SNAP91: variants seen among roughly 807,000 people sequenced by gnomAD.
SNAP91 encodes the protein clathrin coat assembly protein AP180.
SNAP91 carries 27 observed loss-of-function variants against 100.3 expected under a neutral mutation model. That is an observed-to-expected ratio of 0.27 (90% CI 0.20 to 0.37). The LOEUF is 0.37. Ranked by LOEUF, SNAP91 falls within the 10% of genes least tolerant of loss-of-function variation. SNAP91 has a pLI of 1.00. For missense variants in SNAP91, 986 were observed against 1,123.7 expected, an observed-to-expected ratio of 0.88 and a Z score of 1.75; for synonymous variants, 404 against 398.6, an observed-to-expected ratio of 1.01 and a Z score of -0.16.
intron 26 of SNAP91, among the ~76,000 whole-genome samples, chr6:83,571,044 A>G (rs1806596146): frequency 1.3e-5 from 2 of 152,062 alleles, no homozygotes; most frequent in Non-Finnish European, 2.9e-5. Flanking sequence ...GAAAGCACCC[A>G]GGAGGAGGGC....
intron 8 of SNAP91, among the ~76,000 whole-genome samples, chr6:83,634,615 C>G (rs963970643): frequency 6.6e-6 from 1 of 152,066 alleles, no homozygotes; most frequent in Non-Finnish European, 1.5e-5. Flanking sequence ...CCAGTCACCA[C>G]GATCCCCACT....
rs74669040 is a variant in SNAP91, at chr6:83,616,499, A to G, written c.878+470T>C. ...AAGGATCTATGAATAAAATGTCAGT[A>G]GTATGCCATGCCTAATAGTTCAAGT... is the stretch of plus-strand genomic sequence containing the variant. On this transcript the variant is annotated intron_variant, in intron 10 of 29. Transcript: ENST00000369694. 8.0e-3 allele frequency among the ~76,000 whole-genome samples: 1,223 copies of G among 152,306 alleles called. 15 individuals carry two copies. The highest frequency in any genetic ancestry group is 0.027 in the African/African-American group (1,134 of 41,562).
chr6:83,556,248 A>G lies in SNAP91; in HGVS notation c.2632-3T>C, dbSNP rs763722583. The G allele has an allele frequency of 6.7e-7, 1 of 1,492,770 alleles. No homozygotes were observed. Among genetic ancestry groups the G allele is most frequent in the Non-Finnish European group, 9.0e-7 (1 of 1,109,868 alleles). 92.5% of individuals were successfully genotyped at this position (1,492,770 alleles called of 1,614,324 possible). On this transcript the variant is annotated splice_region_variant and splice_polypyrimidine_tract_variant and intron_variant, in intron 28 of 29. Transcript: ENST00000369694. ...GCAGGTGTAGGGCTTGGAGAAAGCTAATGGGAAAAAGCCAGCCCCAAAGAG... is the reference window on the plus strand; with the variant it reads ...GCAGGTGTAGGGCTTGGAGAAAGCTGATGGGAAAAAGCCAGCCCCAAAGAG...
At chr6:83,667,314 G>A (rs1435781288) in intron 2 of SNAP91, among the ~76,000 whole-genome samples, 2 of 151,938 alleles carry the variant, frequency 1.3e-5, no homozygotes, top group Non-Finnish European at 2.9e-5. Context: ...TTCTGAAAAG[G>A]TTATTAAAAC....
At position 83,591,123 on chromosome 6, in the gene SNAP91, C is replaced by T. The variant is rs2093687371; in HGVS notation, c.2014+88G>A. On this transcript the variant is annotated intron_variant, in intron 22 of 29. Coordinates refer to ENST00000369694, the MANE Select transcript of SNAP91 (RefSeq NM_001242792.2). ...TCTTGAAAGAAAAAGAAAACATGCACCCTGCAATTTATGTAATTTTTATAA... is the reference window on the plus strand; with the variant it reads ...TCTTGAAAGAAAAAGAAAACATGCATCCTGCAATTTATGTAATTTTTATAA... 12 of 862,614 alleles carry T rather than the reference C, an allele frequency of 1.4e-5. No homozygotes were observed. In the East Asian group the frequency reaches 2.7e-4, roughly 19 times the overall value. 53.4% of individuals were successfully genotyped at this position (862,614 alleles called of 1,614,324 possible).
intron 2 of SNAP91, among the ~76,000 whole-genome samples, chr6:83,699,951 T>C (rs1012946171): frequency 6.6e-6 from 1 of 152,190 alleles, no homozygotes; most frequent in African/African-American, 2.4e-5. Flanking sequence ...AAGGATATAG[T>C]TCAAGAAAAT....
chr6:83,564,602 T>G (rs1057510912), intron 26 of SNAP91, among the ~76,000 whole-genome samples: 1 of 152,116 alleles, frequency 6.6e-6, no homozygotes, highest in Non-Finnish European at 1.5e-5. Context: ...TGAGCTCAAG[T>G]AATCCATACA....
chr6:83,692,590 G>T (rs1356558592), intron 2 of SNAP91, among the ~76,000 whole-genome samples: 1 of 152,022 alleles, frequency 6.6e-6, no homozygotes, highest in African/African-American at 2.4e-5. Context: ...GAGGTCTAAA[G>T]AAATTAAATT....
At chr6:83,560,073 T>G in intron 28 of SNAP91, 31 bp downstream of exon 28, 1 of 1,548,682 alleles carries the variant, frequency 6.5e-7, no homozygotes, top group Non-Finnish European at 8.9e-7. Context: ...TTAGTTAATG[T>G]CACTGATTTG....
intron 2 of SNAP91, among the ~76,000 whole-genome samples, chr6:83,674,398 C>T (rs759738970): frequency 8.6e-5 from 13 of 151,994 alleles, no homozygotes; most frequent in Non-Finnish European, 1.2e-4. Context: ...AGTGCCACTG[C>T]ACTCCAGCCC....
intron 12 of SNAP91, among the ~76,000 whole-genome samples, chr6:83,609,572 A>T (rs1228859601): frequency 6.6e-6 from 1 of 152,186 alleles, no homozygotes; most frequent in African/African-American, 2.4e-5. Flanking sequence ...TATATAATGG[A>T]AATTTGTCAA....
At position 83,560,936 on chromosome 6, in the gene SNAP91, T is replaced by C. The variant is rs1339143880; in HGVS notation, c.2454A>G (p.Val818=). 6.2e-7 allele frequency: 1 copy of C among 1,607,846 alleles called. No individual in the cohort carries two copies. The part of the protein sequence containing the change: ...VPPSAPLQGA[V]PPTSSVPPVA... ...CAGGAGGAACTGAACTGGTTGGAGG[T>C]ACAGCTCCTTGCTACACAGATAGAC... Residue 818 remains valine (V), a synonymous_variant, in exon 27 of 30, where the codon GTA becomes GTG. Transcript: ENST00000369694.
intron 8 of SNAP91, among the ~76,000 whole-genome samples, chr6:83,636,804 T>C (rs1330990621): frequency 1.3e-5 from 2 of 152,228 alleles, no homozygotes; most frequent in Non-Finnish European, 2.9e-5. Flanking sequence ...TTCTTTTTCT[T>C]TGTCAATTTG....
At chr6:83,558,908 C>G (rs1252802328) in intron 28 of SNAP91, among the ~76,000 whole-genome samples, 1 of 152,142 alleles carries the variant, frequency 6.6e-6, no homozygotes, top group Non-Finnish European at 1.5e-5. Flanking sequence ...ATCAGGAAAG[C>G]ATGATTCATC....
intron 2 of SNAP91, among the ~76,000 whole-genome samples, chr6:83,673,573 ACAAT>A (rs1477459802): frequency 1.3e-5 from 2 of 152,196 alleles, no homozygotes; most frequent in Admixed American, 6.5e-5. Flanking sequence ...CTAGTTAACA[ACAAT>A]CAAAGAGTTC....
chr6:83,628,424 G>A (rs1227515494), intron 8 of SNAP91, among the ~76,000 whole-genome samples: 4 of 151,598 alleles, frequency 2.6e-5, no homozygotes, highest in Admixed American at 2.0e-4. Context: ...GTTCTTTAAG[G>A]AATCTCCACA....
intron 27 of SNAP91, 87 bp from the exon 28 acceptor site, chr6:83,560,295 T>C (rs1785079537): frequency 1.1e-6 from 1 of 891,806 alleles, no homozygotes; most frequent in African/African-American, 1.7e-5. Context: ...TATGTACTTC[T>C]GACAATATTT....
chr6:83,592,742 T>A lies in SNAP91; in HGVS notation c.1846+204A>T, dbSNP rs183784387. On this transcript the variant is annotated intron_variant, in intron 20 of 29. Coordinates refer to ENST00000369694, the MANE Select transcript of SNAP91 (RefSeq NM_001242792.2). The stretch of plus-strand genomic sequence containing the variant: ...AAAATTGACTCCTTGAGGTCAGAGG[T>A]TTCAGTGTGAAAAAAATTTTCACTA... 4.9e-3 allele frequency among the ~76,000 whole-genome samples: 739 copies of A among 152,192 alleles called. 4 individuals are homozygous for A. The highest frequency in any genetic ancestry group is 8.3e-3 in the Non-Finnish European group (566 of 67,992).
intron 2 of SNAP91, among the ~76,000 whole-genome samples, chr6:83,680,061 C>T (rs776611817): frequency 6.6e-6 from 1 of 152,090 alleles, no homozygotes; most frequent in African/African-American, 2.4e-5. Flanking sequence ...GAGCTAAAAG[C>T]AACTCAGTCA....
Sources: allele counts gnomAD v4.1 joint callset (sites outside exome capture counted in the v4.1 genomes callset), GRCh38; gene constraint gnomAD v4.1.1; transcripts MANE v1.5; gene names NCBI Gene and HGNC (gene_info 2026-07-23, HGNC 2026-07-21).